The following SENP2 variants were observed in gnomAD, a reference collection of about 807,000 sequenced individuals.
SENP2 encodes the protein SUMO specific peptidase 2.
A neutral mutation model predicts 86.3 loss-of-function variants in SENP2; 16 were observed. That is an observed-to-expected ratio of 0.19 (90% confidence interval 0.13 to 0.28). The LOEUF is 0.28. SENP2 is among the 10% of genes least tolerant of loss of function. The pLI, the probability that SENP2 is intolerant of heterozygous loss-of-function variation, is 1.00. For missense variants in SENP2, 552 were observed against 703.0 expected, an observed-to-expected ratio of 0.79 and a Z score of 2.43; for synonymous variants, 222 against 238.7, an observed-to-expected ratio of 0.93 and a Z score of 0.64.
intron 12 of SENP2, among the ~76,000 whole-genome samples, chr3:185,619,003 G>T (rs972601204): frequency 3.3e-5 from 5 of 152,164 alleles, no homozygotes; most frequent in African/African-American, 1.2e-4. Flanking sequence ...TAATATTTCT[G>T]CGTATTTTTG....
intron 12 of SENP2, 149 bp downstream of exon 12, chr3:185,617,760 GGTTA>G (rs1380334048): frequency 1.3e-5 from 9 of 667,258 alleles, no homozygotes; most frequent in Non-Finnish European, 2.2e-5. Flanking sequence ...TTAAAAAGAT[GGTTA>G]GTTCTGATTT....
intron 14 of SENP2, 57 bp downstream of exon 14, chr3:185,621,962 CATCCTAGGAAGCTGTG>C (rs1711910347): frequency 8.8e-7 from 1 of 1,135,248 alleles, no homozygotes; most frequent in Admixed American, 1.9e-5. Context: ...TCTTTTATCT[CATCCTAGGAAGCTGTG>C]TGGATGGTAG....
intron 2 of SENP2, among the ~76,000 whole-genome samples, chr3:185,597,546 G>T (rs1041397487): frequency 2.6e-5 from 4 of 151,426 alleles, no homozygotes; most frequent in African/African-American, 7.3e-5. Context: ...TAGGGACGGG[G>T]TTTCACTGTG....
intron 10 of SENP2, 76 bp from the exon 11 acceptor site, chr3:185,614,488 A>C: frequency 1.5e-6 from 2 of 1,347,212 alleles, no homozygotes; most frequent in Admixed American, 4.6e-5. Context: ...TGGCAGTTTT[A>C]TATTTCATGT....
At chr3:185,621,930 T>C (rs769749019) in intron 14 of SENP2, 25 bp downstream of exon 14, 2 of 1,468,150 alleles carry the variant, frequency 1.4e-6, no homozygotes, top group Admixed American at 1.7e-5. Context: ...AAAACCTCAC[T>C]ACCCCCTGTT....
At chr3:185,605,099 G>T (rs1222588316) in intron 5 of SENP2, among the ~76,000 whole-genome samples, 4 of 151,172 alleles carry the variant, frequency 2.6e-5, no homozygotes, top group African/African-American at 9.7e-5. Flanking sequence ...GACTGGGCGT[G>T]GTGGCTCACG....
intron 13 of SENP2, 38 bp downstream of exon 13, chr3:185,619,540 G>C: frequency 6.4e-7 from 1 of 1,552,434 alleles, no homozygotes; most frequent in Non-Finnish European, 8.9e-7. Context: ...GTTGGACTTG[G>C]ATAAAGGCCA....
At chr3:185,599,098 G>A in intron 4 of SENP2, 74 bp downstream of exon 4, 1 of 1,085,652 alleles carries the variant, frequency 9.2e-7, no homozygotes, top group Non-Finnish European at 1.4e-6. Context: ...TTGAAAATAT[G>A]AAAGGAAAAC....
At chr3:185,603,655 C>G (rs1274124750) in intron 5 of SENP2, among the ~76,000 whole-genome samples, 1 of 152,078 alleles carries the variant, frequency 6.6e-6, no homozygotes, top group African/African-American at 2.4e-5. Flanking sequence ...GCAAAAGTTC[C>G]TGAATTTGGT....
chr3:185,611,640 G>C lies in SENP2; in HGVS notation c.723-11G>C, dbSNP rs889627196. 2 of 1,592,406 alleles carry C rather than the reference G, an allele frequency of 1.3e-6. No homozygotes were observed. Among genetic ancestry groups the C allele is most frequent in the African/African-American group, 2.7e-5 (2 of 74,182 alleles). On this transcript the variant is annotated splice_polypyrimidine_tract_variant and intron_variant, in intron 7 of 16. Transcript: ENST00000296257. ...TTGTATCTGATCTCCCTCACTTTTT[G>C]TGTTTCTAAGTTCTCAAAGAAGTCA...
At chr3:185,619,564 A>G in intron 13 of SENP2, 62 bp downstream of exon 13, 1 of 1,400,150 alleles carries the variant, frequency 7.1e-7, no homozygotes, top group African/African-American at 1.4e-5. Flanking sequence ...TTTAAAAATA[A>G]TGCTGCCTTT....
chr3:185,594,255 T>C (rs1333550543), intron 2 of SENP2, among the ~76,000 whole-genome samples: 6 of 152,124 alleles, frequency 3.9e-5, no homozygotes, highest in Admixed American at 3.3e-4. Context: ...GATTCTATGT[T>C]AAGGATCACT....
At chr3:185,594,641 A>G (rs1445377215) in intron 2 of SENP2, among the ~76,000 whole-genome samples, 4 of 144,348 alleles carry the variant, frequency 2.8e-5, no homozygotes, top group South Asian at 2.2e-4. Flanking sequence ...TTTTTTTGGG[A>G]CAGAGTCTCG....
At chr3:185,599,614 G>A (rs1722279761) in intron 4 of SENP2, among the ~76,000 whole-genome samples, 2 of 152,100 alleles carry the variant, frequency 1.3e-5, no homozygotes, top group South Asian at 4.1e-4. Context: ...AGGAAGTTAA[G>A]GAAAATGAGC....
At chr3:185,607,994 T>G (rs1381057618) in intron 6 of SENP2, among the ~76,000 whole-genome samples, 1 of 152,236 alleles carries the variant, frequency 6.6e-6, no homozygotes, top group East Asian at 1.9e-4. Context: ...TTTAGAATTA[T>G]TCCTGTACCT....
At chr3:185,629,703 T>C (rs1189682166) in intron 16 of SENP2, 79 bp from the exon 17 acceptor site, 1 of 1,368,588 alleles carries the variant, frequency 7.3e-7, no homozygotes, top group Non-Finnish European at 1.0e-6. Flanking sequence ...TCCTGCTTTA[T>C]TACATGATTA....
chr3:185,598,900 A>G lies in SENP2; in HGVS notation c.292-58A>G, dbSNP rs1159589044. 3.8e-6 allele frequency: 5 copies of G among 1,333,322 alleles called. No individual in the cohort carries two copies. In the African/African-American group the frequency reaches 7.3e-5, roughly 19 times the overall value. 82.6% of individuals were successfully genotyped at this position (1,333,322 alleles called of 1,614,324 possible). A position where few individuals can be genotyped will look rare whatever the true frequency, so the allele number is the denominator to read the frequency against. On this transcript the variant is annotated intron_variant, in intron 3 of 16. Transcript: ENST00000296257. ...AGAAAAAGTTATCTTTTCATAATAG[A>G]AAGTTATTTAGGTGACAAAATTTAG...
chr3:185,591,358 T>C (rs1356795618), intron 2 of SENP2, among the ~76,000 whole-genome samples: 2 of 151,952 alleles, frequency 1.3e-5, no homozygotes, highest in Admixed American at 1.3e-4. Context: ...ACTTCTTATT[T>C]ATTTATTTTT....
intron 2 of SENP2, 63 bp from the exon 3 acceptor site, chr3:185,598,349 A>T (rs1007487041): frequency 1.3e-6 from 2 of 1,522,656 alleles, no homozygotes; most frequent in African/African-American, 2.7e-5. Flanking sequence ...TTTCCAAGAT[A>T]TCATTTTATT....
Sources: gnomAD v4.1 joint callset for allele counts (sites outside exome capture counted in the v4.1 genomes callset) on GRCh38, gnomAD v4.1.1 for gene constraint, MANE v1.5 for transcripts, NCBI Gene and HGNC (gene_info 2026-07-23, HGNC 2026-07-21) for gene names.